The following ALG14 variants were observed in gnomAD, a reference collection of about 807,000 sequenced individuals.
ALG14 encodes UDP-N-acetylglucosamine transferase subunit ALG14.
Under a neutral mutation model 22.8 loss-of-function variants are expected in ALG14, and 17 were observed. The observed-to-expected ratio is 0.75, with a 90% CI of 0.51 to 1.12. The LOEUF (loss-of-function observed/expected upper bound fraction) is 1.12, where lower values mean the gene tolerates loss of function less well. Among genes scored for constraint, ALG14 ranks in the 50% most tolerant of loss-of-function variants. The pLI, the probability that ALG14 is intolerant of heterozygous loss-of-function variation, is 0.00. For synonymous variants in ALG14, 89 were observed against 103.7 expected, an observed-to-expected ratio of 0.86 and a Z score of 0.86; for missense variants, 288 against 271.8, an observed-to-expected ratio of 1.06 and a Z score of -0.42.
rs973129576 is a variant in ALG14, at chr1:95,037,607, G to T, written c.289-10347C>A. Reference sequence around the variant, plus strand: ...GGATATGCCTGGGCAACCGGACCAAGCCTCGCCAGAAATAAGACTGAATTT... The same window carrying T: ...GGATATGCCTGGGCAACCGGACCAATCCTCGCCAGAAATAAGACTGAATTT... On this transcript the variant is annotated intron_variant, in intron 2 of 3. Coordinates refer to ENST00000370205, the MANE Select transcript of ALG14 (RefSeq NM_144988.4). Among the ~76,000 whole-genome samples, 5 of 152,290 alleles carry T rather than the reference G, an allele frequency of 3.3e-5. No homozygotes were observed. The South Asian group carries it at 6.2e-4, about 19-fold the overall frequency.
chr1:95,011,359 A>G (rs1199446263), intron 3 of ALG14, among the ~76,000 whole-genome samples: 1 of 152,154 alleles, frequency 6.6e-6, no homozygotes, highest in Non-Finnish European at 1.5e-5. Flanking sequence ...CTCACCAGAC[A>G]TCAAATGGGA....
intron 3 of ALG14, among the ~76,000 whole-genome samples, chr1:94,987,499 G>C (rs975671444): frequency 6.6e-6 from 1 of 152,168 alleles, no homozygotes; most frequent in African/African-American, 2.4e-5. Context: ...AACGGAAAGA[G>C]GACAGGACTG....
intron 1 of ALG14, 70 bp from the exon 2 acceptor site, chr1:95,065,087 C>G: frequency 7.2e-7 from 1 of 1,387,026 alleles, no homozygotes; most frequent in Non-Finnish European, 9.7e-7. Context: ...CCATGTTATA[C>G]CAATATCATG....
intron 3 of ALG14, among the ~76,000 whole-genome samples, chr1:95,021,026 A>G (rs1365531398): frequency 6.6e-6 from 1 of 152,240 alleles, no homozygotes; most frequent in African/African-American, 2.4e-5. Context: ...GCTTTGATAA[A>G]GAGAATATTT....
intron 2 of ALG14, among the ~76,000 whole-genome samples, chr1:95,039,191 A>G (rs771915831): frequency 5.3e-5 from 8 of 152,188 alleles, no homozygotes; most frequent in Non-Finnish European, 1.2e-4. Context: ...ATAGCATGGA[A>G]TATCTGGGGA....
chr1:95,072,869 G>A lies in ALG14; in HGVS notation c.30C>T (p.Ala10=). ...TTAGGAAAACCGCCACAGCTCCTGC[G>A]GCCGCAGCTAGAACGAGAACGCACA... The part of the protein sequence containing the change: MVCVLVLAA[A]AGAVAVFLIL... Residue 10 remains alanine (A), a synonymous_variant, in exon 1 of 4, where the codon GCC becomes GCT. Transcript: ENST00000370205. 3 of 1,614,116 alleles carry A rather than the reference G, an allele frequency of 1.9e-6. No homozygotes were observed. The highest frequency in any genetic ancestry group is 1.7e-6 in the Non-Finnish European group (2 of 1,180,022).
At chr1:95,009,427 A>C (rs887294455) in intron 3 of ALG14, among the ~76,000 whole-genome samples, 1 of 152,098 alleles carries the variant, frequency 6.6e-6, no homozygotes, top group African/African-American at 2.4e-5. Context: ...CCTTGTAGTG[A>C]AGGAAGGAGG....
In ALG14 at chr1:95,064,146, G is replaced by A. The variant is rs145985778; in HGVS notation, c.288+720C>T. ...CATTGATTTTGTTTCCTGAGACTTG[G>A]CTAAAGTTGCTTATCAGCTTAAGAA... On this transcript the variant is annotated intron_variant, in intron 2 of 3. Transcript: ENST00000370205. Among the ~76,000 whole-genome samples the A allele has an allele frequency of 2.7e-3, 409 of 152,296 alleles. 4 individuals are homozygous for A. The highest frequency in any genetic ancestry group is 9.5e-3 in the African/African-American group (394 of 41,568).
At position 94,977,650 on chromosome 1, in the gene ALG14, A is replaced by T. The variant is rs1557933923; in HGVS notation, c.*5426T>A. 3.9e-5 allele frequency: 4 copies of T among 101,664 alleles called. No homozygotes were observed. The highest frequency in any genetic ancestry group is 5.7e-5 in the Non-Finnish European group (3 of 52,356). 6.3% of individuals were successfully genotyped at this position (101,664 alleles called of 1,614,324 possible). A position where few individuals can be genotyped will look rare whatever the true frequency, so the allele number is the denominator to read the frequency against. On this transcript the variant is annotated 3_prime_UTR_variant, in exon 4 of 4. Transcript: ENST00000370205. ...CACACAAACAAAAGCTCATTGGGAT[A>T]TATTTTTTTTTTTTCTGAGGCAGGG...
chr1:95,066,330 T>C (rs11165296), intron 1 of ALG14, among the ~76,000 whole-genome samples: 24,721 of 151,936 alleles, frequency 0.16, 2,593 homozygotes, highest in East Asian at 0.47. Flanking sequence ...TTCAGGCGAC[T>C]CTCCTGCCTC....
At chr1:95,044,409 A>C (rs542054667) in intron 2 of ALG14, among the ~76,000 whole-genome samples, 1 of 152,262 alleles carries the variant, frequency 6.6e-6, no homozygotes, top group East Asian at 1.9e-4. Context: ...ACAAGGTCCT[A>C]AATTATCTGG....
At position 95,056,017 on chromosome 1, in the gene ALG14, A is replaced by C. The variant is rs140365241; in HGVS notation, c.288+8849T>G. ...GAGTGAGACTCTGTCTCAAAAAAAA[A>C]AAAACAAAACAAAAACAAAAACAAA... On this transcript the variant is annotated intron_variant, in intron 2 of 3. Coordinates refer to ENST00000370205, the MANE Select transcript of ALG14 (RefSeq NM_144988.4). Among the ~76,000 whole-genome samples, 1,301 of 151,274 alleles carry C rather than the reference A, an allele frequency of 8.6e-3. 20 individuals are homozygous for C. Among genetic ancestry groups the C allele is most frequent in the East Asian group, 0.036 (186 of 5,150 alleles).
At chr1:95,026,214 G>A (rs985423961) in intron 3 of ALG14, among the ~76,000 whole-genome samples, 1 of 152,162 alleles carries the variant, frequency 6.6e-6, no homozygotes, top group Non-Finnish European at 1.5e-5. Flanking sequence ...TTACAGGTGT[G>A]AGCCACCGCA....
At position 95,027,151 on chromosome 1, in the gene ALG14, ATT is replaced by A. The variant is rs577134660; in HGVS notation, c.396_397del (p.Ile133SerfsTer11). The A allele has an allele frequency of 6.2e-7, 1 of 1,614,082 alleles. No individual in the cohort carries two copies. Among genetic ancestry groups the A allele is most frequent in the Non-Finnish European group, 8.5e-7 (1 of 1,179,986 alleles). On this transcript the variant is annotated frameshift_variant, in exon 3 of 4. Coordinates refer to ENST00000370205, the MANE Select transcript of ALG14 (RefSeq NM_144988.4). LOFTEE classifies it high-confidence loss of function. ...TACCAAATCTGGCTTCACCCTGTGAATTAGGGGAAAGGAGAGCCACATGGAGT... is the reference window on the plus strand; with the variant it reads ...TACCAAATCTGGCTTCACCCTGTGAAAGGGGAAAGGAGAGCCACATGGAGT...
chr1:95,064,976 A>T lies in ALG14; in HGVS notation c.178T>A (p.Ser60Thr). The T allele has an allele frequency of 6.2e-7, 1 of 1,613,826 alleles. No homozygotes were observed. Among genetic ancestry groups the T allele is most frequent in the Non-Finnish European group, 8.5e-7 (1 of 1,179,824 alleles). ...TEILRLLGSL[S>T]NAYSPRHYVI... ...TAATGTCTAGGTGAGTAGGCATTGG[A>T]CAAGCTCCCAAGCAGCCTCAGGATC... The change falls in exon 2 of 4, where the codon TCC becomes ACC. Residue 60 changes from serine to threonine, a missense_variant. Physicochemically the swap from Ser to Thr is moderately conservative, Grantham distance 58 (BLOSUM62 1). Transcript: ENST00000370205.
chr1:95,045,254 T>C (rs1428263467), intron 2 of ALG14, among the ~76,000 whole-genome samples: 2 of 152,214 alleles, frequency 1.3e-5, no homozygotes, highest in African/African-American at 4.8e-5. Context: ...TTATTTCTTC[T>C]TTTTCAATGT....
intron 2 of ALG14, among the ~76,000 whole-genome samples, chr1:95,027,872 T>C (rs1369493484): frequency 1.3e-5 from 2 of 152,244 alleles, no homozygotes; most frequent in African/African-American, 4.8e-5. Flanking sequence ...GCATTTCTGC[T>C]TCTGGAAATA....
At chr1:95,024,274 G>A (rs573790514) in intron 3 of ALG14, among the ~76,000 whole-genome samples, 1 of 152,210 alleles carries the variant, frequency 6.6e-6, no homozygotes, top group East Asian at 1.9e-4. Flanking sequence ...ACCGCGCCCG[G>A]CCTTTTAAAT....
intron 2 of ALG14, among the ~76,000 whole-genome samples, chr1:95,047,352 A>ATT (rs1376011236): frequency 1.3e-5 from 2 of 151,140 alleles, no homozygotes; most frequent in Non-Finnish European, 1.5e-5. Flanking sequence ...ATATTTATTT[A>ATT]TTTTTTTTTA....
Sources: allele counts gnomAD v4.1 joint callset (sites outside exome capture counted in the v4.1 genomes callset), GRCh38; gene constraint gnomAD v4.1.1; transcripts MANE v1.5; gene names NCBI Gene and HGNC (gene_info 2026-07-23, HGNC 2026-07-21).